Variants in EXD3 observed in about 807,000 individuals in gnomAD.
The protein encoded by EXD3 is exonuclease mut-7 homolog.
Under a neutral mutation model 98.0 loss-of-function variants are expected in EXD3, and 92 were observed. The observed-to-expected ratio is 0.94, with a 90% CI of 0.79 to 1.12. The LOEUF (loss-of-function observed/expected upper bound fraction) is 1.12. Ranked by LOEUF, EXD3 falls within the 50% of genes most tolerant of loss-of-function variation. EXD3 has a pLI of 0.00. For synonymous variants in EXD3, 569 were observed against 526.0 expected (o/e 1.08, Z -1.12); for missense variants, 1,222 against 1,191.6 (o/e 1.03, Z -0.38).
intron 8 of EXD3, among the ~76,000 whole-genome samples, chr9:137,355,009 G>A (rs764331204): frequency 6.6e-5 from 10 of 152,062 alleles, no homozygotes; most frequent in Non-Finnish European, 1.0e-4. Flanking sequence ...GGGCCCTTTC[G>A]TCTGGCCTCC....
chr9:137,368,039 C>A (rs1171243195), intron 5 of EXD3, 50 bp from the exon 6 acceptor site: 6 of 1,520,944 alleles, frequency 3.9e-6, no homozygotes, highest in Admixed American at 1.8e-5. Context: ...AGGGGCCAGG[C>A]AGCACGGCGG....
intron 7 of EXD3, chr9:137,365,574 T>C (rs1835183648): frequency 6.2e-6 from 1 of 161,652 alleles, no homozygotes; most frequent in South Asian, 1.3e-4. Context: ...ATGAACACAG[T>C]GCACACACAG....
chr9:137,383,328 C>T lies in EXD3; in HGVS notation c.105G>A (p.Thr35=), dbSNP rs375007003. Residue 35 remains threonine, a synonymous_variant, in exon 3 of 22, where the codon ACG becomes ACA. Coordinates refer to ENST00000340951, the MANE Select transcript of EXD3 (RefSeq NM_017820.5). ...LLQALQTLWS[T]RERKQLREEA... ...GTCCACTCACCTGCTTCCGCTCCCG[C>T]GTGGACCACAGGGTCTGCAGGGCCT... The T allele has an allele frequency of 4.6e-5, 71 of 1,549,992 alleles. No individual in the cohort carries two copies. The African/African-American group carries it at 5.2e-4, about 11-fold the overall frequency.
intron 9 of EXD3, 66 bp downstream of exon 9, chr9:137,354,632 ATC>A: frequency 6.3e-7 from 1 of 1,598,030 alleles, no homozygotes; most frequent in Non-Finnish European, 8.5e-7. Flanking sequence ...CGCAGTGAGT[ATC>A]CCAGGCCAAA....
chr9:137,368,322 G>C (rs1319628967), intron 5 of EXD3, among the ~76,000 whole-genome samples: 1 of 152,222 alleles, frequency 6.6e-6, no homozygotes, highest in African/African-American at 2.4e-5. Flanking sequence ...GGAAGGCTAG[G>C]AGGTGGGGTC....
chr9:137,330,544 ACACAGGAGCTACACAGGGCTC>A (rs1833003015), intron 17 of EXD3, among the ~76,000 whole-genome samples: 2 of 145,142 alleles, frequency 1.4e-5, no homozygotes, highest in African/African-American at 2.6e-5. Flanking sequence ...TACAGGAGCT[ACACAGGAGCTACACAGGGCTC>A]CACAGGAGCT....
At chr9:137,307,397 A>G (rs1440437835) in intron 21 of EXD3, 134 bp from the exon 22 acceptor site, 2 of 1,356,560 alleles carry the variant, frequency 1.5e-6, no homozygotes, top group South Asian at 1.5e-5. Context: ...TCTGCTCCCT[A>G]TCCGCTGACT....
chr9:137,379,282 G>A (rs1484887499), intron 3 of EXD3, among the ~76,000 whole-genome samples: 1 of 144,014 alleles, frequency 6.9e-6, no homozygotes, highest in African/African-American at 2.7e-5. Flanking sequence ...TACGGGGTTT[G>A]TGGGTGACGG....
At chr9:137,334,772 A>G (rs1276509885) in intron 17 of EXD3, among the ~76,000 whole-genome samples, 3 of 152,232 alleles carry the variant, frequency 2.0e-5, no homozygotes, top group Non-Finnish European at 4.4e-5. Flanking sequence ...AGCAAAAGAA[A>G]TAATCATCAG....
chr9:137,372,847 C>A, intron 5 of EXD3, 58 bp downstream of exon 5: 1 of 1,569,000 alleles, frequency 6.4e-7, no homozygotes, highest in South Asian at 1.1e-5. Flanking sequence ...CAGGCGCGTC[C>A]TTGCCCCACC....
In EXD3 at chr9:137,354,723, G is replaced by C. The variant is rs1199988819; in HGVS notation, c.808C>G (p.Leu270Val). The change falls in exon 9 of 22, where the codon CTG becomes GTG. Residue 270 changes from leucine (L) to valine (V), a missense_variant. By Grantham distance (32) the Leu-to-Val change is conservative (BLOSUM62 1). Coordinates refer to ENST00000340951, the MANE Select transcript of EXD3 (RefSeq NM_017820.5). The part of the protein sequence containing the change: ...IQQRLAALRH[L>V]CHKRFVEKSL... ...ACCTCCACAAACCGCTTGTGGCACA[G>C]GTGCCGCAGGGCCGCCAGGCGCTGC... The C allele has an allele frequency of 6.2e-7, 1 of 1,610,786 alleles. No homozygotes were observed. Among genetic ancestry groups the C allele is most frequent in the Non-Finnish European group, 8.5e-7 (1 of 1,179,692 alleles).
intron 16 of EXD3, 31 bp from the exon 17 acceptor site, chr9:137,348,269 G>C (rs781353221): frequency 4.4e-6 from 7 of 1,600,656 alleles, no homozygotes; most frequent in Admixed American, 3.5e-5. Context: ...GCAGTCCCAC[G>C]GTCACCCCCC....
chr9:137,420,407 G>A (rs897312527), intron 1 of EXD3, among the ~76,000 whole-genome samples: 14 of 152,108 alleles, frequency 9.2e-5, no homozygotes, highest in Non-Finnish European at 1.6e-4. Context: ...ATCTGGAAGC[G>A]ATTCATGAGT....
At chr9:137,355,478 AGGAGGAAGGAGGAT>A (rs1564508166) in intron 8 of EXD3, among the ~76,000 whole-genome samples, 75 of 6,110 alleles carry the variant, frequency 0.012, 3 homozygotes, top group East Asian at 0.048. Flanking sequence ...GGAAGGAGGA[AGGAGGAAGGAGGAT>A]GGAGGAAGGA....
chr9:137,355,090 C>T (rs1469517922), intron 8 of EXD3, among the ~76,000 whole-genome samples: 2 of 152,214 alleles, frequency 1.3e-5, no homozygotes, highest in Non-Finnish European at 2.9e-5. Flanking sequence ...GTGCCCTGCC[C>T]TTCTCTCACT....
rs113884567 is a variant in EXD3 at position 137,382,305 on chromosome 9, G to C, written c.120+1008C>G. 5.8e-3 allele frequency among the ~76,000 whole-genome samples: 876 copies of C among 151,974 alleles called. 11 individuals are homozygous for C. Among genetic ancestry groups the C allele is most frequent in the African/African-American group, 0.02 (841 of 41,426 alleles). ...CAGCCCTGTCTGTGTATAAACAAGC[G>C]CTGCTCCAAGGAGACGCCAGGACGA... On this transcript the variant is annotated intron_variant, in intron 3 of 21. Transcript: ENST00000340951.
At chr9:137,331,868 A>G (rs1833079660) in intron 17 of EXD3, among the ~76,000 whole-genome samples, 1 of 152,172 alleles carries the variant, frequency 6.6e-6, no homozygotes, top group African/African-American at 2.4e-5. Flanking sequence ...GTGAGCCGAG[A>G]GGGCGCCACT....
intron 7 of EXD3, among the ~76,000 whole-genome samples, chr9:137,363,037 C>T (rs1835063092): frequency 6.6e-6 from 1 of 152,082 alleles, no homozygotes; most frequent in South Asian, 2.1e-4. Flanking sequence ...TCTTGAACTC[C>T]TGACCTCAGG....
At position 137,352,138 on chromosome 9, in the gene EXD3, G is replaced by A. The variant is rs1564503133; in HGVS notation, c.1101C>T (p.Pro367=). 3 of 1,612,884 alleles carry A rather than the reference G, an allele frequency of 1.9e-6. No homozygotes were observed. Among genetic ancestry groups the A allele is most frequent in the Non-Finnish European group, 2.5e-6 (3 of 1,179,762 alleles). Residue 367 remains proline, a synonymous_variant, in exon 12 of 22, where the codon CCC becomes CCT. Transcript: ENST00000340951. The part of the protein sequence containing the change: ...KDMKDRYYQL[P]IPRENVHLLA... ...GGAGGTGGACGTTCTCCCTGGGGATGGGCAGCTGGTAGTAACGGTCCTTCA... is the reference window on the plus strand; with the variant it reads ...GGAGGTGGACGTTCTCCCTGGGGATAGGCAGCTGGTAGTAACGGTCCTTCA...
Sources: allele counts gnomAD v4.1 joint callset (sites outside exome capture counted in the v4.1 genomes callset), GRCh38; gene constraint gnomAD v4.1.1; transcripts MANE v1.5; gene names NCBI Gene and HGNC (gene_info 2026-07-23, HGNC 2026-07-21).